MMP1: variants seen among roughly 807,000 people sequenced by gnomAD.
The protein encoded by MMP1 is interstitial collagenase.
MMP1 carries 51 observed loss-of-function variants against 49.6 expected under a neutral mutation model. The ratio of observed to expected loss-of-function variants is 1.03; its 90% CI spans 0.82 to 1.30. The LOEUF (loss-of-function observed/expected upper bound fraction) is 1.30. MMP1 is among the 50% of genes most tolerant of loss of function. The pLI is 0.00. For missense variants in MMP1, 623 were observed against 568.7 expected (o/e 1.10, Z -0.97); for synonymous variants, 230 against 196.8 (o/e 1.17, Z -1.41).
chr11:102,796,251 A>G (rs1858187435), intron 4 of MMP1, among the ~76,000 whole-genome samples: 3 of 152,224 alleles, frequency 2.0e-5, no homozygotes, highest in Non-Finnish European at 4.4e-5. Context: ...GCCCAGCCTA[A>G]TATTTAATAT....
At chr11:102,796,854 C>A (rs1451141927) in intron 3 of MMP1, 65 bp from the exon 4 acceptor site, 2 of 1,579,842 alleles carry the variant, frequency 1.3e-6, no homozygotes, top group Non-Finnish European at 1.7e-6. Context: ...GAAGGGCAAG[C>A]ATTAGCTTTG....
At chr11:102,792,782 T>G in intron 6 of MMP1, 44 bp from the exon 7 acceptor site, 1 of 1,578,706 alleles carries the variant, frequency 6.3e-7, no homozygotes, top group Non-Finnish European at 8.7e-7. Context: ...TAATTTCTGG[T>G]AATCTCTGGC....
intron 9 of MMP1, 79 bp downstream of exon 9, chr11:102,790,624 G>T: frequency 7.5e-7 from 1 of 1,340,702 alleles, no homozygotes; most frequent in Non-Finnish European, 1.1e-6. Flanking sequence ...GATATTTTTG[G>T]CATTTGCTGT....
chr11:102,797,905 A>T, intron 1 of MMP1, 83 bp downstream of exon 1: 1 of 1,040,474 alleles, frequency 9.6e-7, no homozygotes, highest in Non-Finnish European at 1.4e-6. Context: ...TAAGAAACCT[A>T]TCCTTAAAAA....
intron 9 of MMP1, 62 bp from the exon 10 acceptor site, chr11:102,790,583 T>C: frequency 2.2e-6 from 3 of 1,363,264 alleles, no homozygotes; most frequent in East Asian, 4.6e-5. Context: ...TTAACTTGAA[T>C]TCTTGAGAAA....
At chr11:102,792,478 T>G in intron 7 of MMP1, 127 bp downstream of exon 7, 1 of 924,258 alleles carries the variant, frequency 1.1e-6, no homozygotes, top group Non-Finnish European at 1.6e-6. Flanking sequence ...CTTTCATTGA[T>G]TTGGTTGGTG....
intron 6 of MMP1, 82 bp downstream of exon 6, chr11:102,795,092 A>C: frequency 1.8e-6 from 2 of 1,085,284 alleles, no homozygotes; most frequent in Non-Finnish European, 2.8e-6. Flanking sequence ...AATAAGTAAC[A>C]TGTGAAGCAT....
At chr11:102,790,649 A>G in intron 9 of MMP1, 54 bp downstream of exon 9, 10 of 1,383,938 alleles carry the variant, frequency 7.2e-6, no homozygotes, top group Non-Finnish European at 1.0e-5. Context: ...ACTAACAATA[A>G]TGATGTTATT....
chr11:102,790,578 T>C (rs1857998527), intron 9 of MMP1, 57 bp from the exon 10 acceptor site: 2 of 1,370,338 alleles, frequency 1.5e-6, no homozygotes, highest in African/African-American at 2.9e-5. Flanking sequence ...TAGGTTTAAC[T>C]TGAATTCTTG....
chr11:102,791,272 A>G (rs1403379384), intron 8 of MMP1, 61 bp downstream of exon 8: 3 of 1,579,688 alleles, frequency 1.9e-6, no homozygotes, highest in African/African-American at 2.7e-5. Context: ...GAAATGGGCT[A>G]TTCTAGAACT....
At chr11:102,797,226 C>G (rs1337841160) in intron 2 of MMP1, 30 bp downstream of exon 2, 1 of 1,613,634 alleles carries the variant, frequency 6.2e-7, no homozygotes. Context: ...TGGGAAATAG[C>G]TCTCTCACTC....
intron 6 of MMP1, chr11:102,793,103 TAAG>T (rs1858080812): frequency 6.5e-6 from 1 of 153,690 alleles, no homozygotes; most frequent in African/African-American, 2.4e-5. Flanking sequence ...TTATATAATT[TAAG>T]TTTTATCTCT....
chr11:102,792,902 C>G (rs930465303), intron 6 of MMP1, among the ~76,000 whole-genome samples, 164 bp from the exon 7 acceptor site: 1 of 152,072 alleles, frequency 6.6e-6, no homozygotes, highest in African/African-American at 2.4e-5. Context: ...GCTGATTTCA[C>G]TAGCTTGAAA....
At chr11:102,792,390 C>T (rs553879749) in intron 7 of MMP1, among the ~76,000 whole-genome samples, 2 of 152,288 alleles carry the variant, frequency 1.3e-5, no homozygotes, top group East Asian at 3.9e-4. Flanking sequence ...AAGGCCAGAA[C>T]GTTCTATCTC....
At chr11:102,792,144 C>T (rs981383282) in intron 7 of MMP1, among the ~76,000 whole-genome samples, 1 of 152,150 alleles carries the variant, frequency 6.6e-6, no homozygotes, top group Non-Finnish European at 1.5e-5. Flanking sequence ...AATTTAAAGG[C>T]TAAAAATCCT....
intron 6 of MMP1, among the ~76,000 whole-genome samples, chr11:102,793,934 T>C (rs1313335784): frequency 6.6e-6 from 1 of 152,244 alleles, no homozygotes; most frequent in African/African-American, 2.4e-5. Context: ...CTGGCTGTGA[T>C]GCCTTAGGCA....
chr11:102,795,265 TG>T lies in MMP1; in HGVS notation c.807del (p.Ile270SerfsTer13), dbSNP rs1565211826. ...CACGCTTTTGGGGTTTGTGGGCCGA[TG>T]GGCTGGACAGGATTTTGGGAACGTC... Reference protein sequence around the residue: ...IYGRSQNPVQPIGPQTPKACD... With the variant: ...IYGRSQNPVQXIGPQTPKACD... On this transcript the variant is annotated frameshift_variant, in exon 6 of 10. Coordinates refer to ENST00000315274, the MANE Select transcript of MMP1 (RefSeq NM_002421.4). LOFTEE classifies it high-confidence loss of function. 1.2e-6 allele frequency: 2 copies of T among 1,614,072 alleles called. No homozygotes were observed. The highest frequency in any genetic ancestry group is 1.7e-6 in the Non-Finnish European group (2 of 1,180,002).
chr11:102,796,986 A>G, intron 3 of MMP1, 28 bp downstream of exon 3: 1 of 1,590,440 alleles, frequency 6.3e-7, no homozygotes, highest in Non-Finnish European at 8.6e-7. Context: ...GGGCAAGGTG[A>G]GGTTAAGGTG....
Position 102,790,798 on chromosome 11 carries a change from T to G in MMP1, c.1205A>C (p.Glu402Ala). The G allele has an allele frequency of 1.3e-6, 2 of 1,597,096 alleles. No homozygotes were observed. Among genetic ancestry groups the G allele is most frequent in the Non-Finnish European group, 1.7e-6 (2 of 1,164,764 alleles). Residue 402 changes from glutamate (E) to alanine (A), a missense_variant, in exon 9 of 10, where the codon GAA (glutamate) becomes GCA (alanine). By Grantham distance (107) the Glu-to-Ala change is moderately radical. Transcript: ENST00000315274. ...FVANKYWRYD[E>A]YKRSMDPGYP... Reference sequence around the variant, plus strand: ...ACCTGGATCCATAGATCGTTTATATTCATCATACCTGGTCAGAAAAGAGTT... The same window carrying G: ...ACCTGGATCCATAGATCGTTTATATGCATCATACCTGGTCAGAAAAGAGTT...
Sources: allele counts gnomAD v4.1 joint callset (sites outside exome capture counted in the v4.1 genomes callset), GRCh38; gene constraint gnomAD v4.1.1; transcripts MANE v1.5; gene names NCBI Gene and HGNC (gene_info 2026-07-23, HGNC 2026-07-21).